GRK4: variants seen among roughly 807,000 people sequenced by gnomAD.
GRK4 encodes G protein-coupled receptor kinase 2-like.
A neutral mutation model predicts 77.9 loss-of-function variants in GRK4; 73 were observed. The observed-to-expected ratio is 0.94, with a 90% CI of 0.78 to 1.14. GRK4 has a LOEUF of 1.14. Ranked by LOEUF, GRK4 falls within the 50% of genes most tolerant of loss-of-function variation. The probability of loss-of-function intolerance (pLI) is 0.00; values close to 1 mark genes in which losing one functional copy is unlikely to be tolerated. For synonymous variants in GRK4, 257 were observed against 254.4 expected, an observed-to-expected ratio of 1.01 and a Z score of -0.10; for missense variants, 729 against 700.2, an observed-to-expected ratio of 1.04 and a Z score of -0.46.
At chr4:2,990,076 C>G (rs539628319) in intron 3 of GRK4, among the ~76,000 whole-genome samples, 1 of 152,188 alleles carries the variant, frequency 6.6e-6, no homozygotes, top group South Asian at 2.1e-4. Context: ...TGATTTTCCT[C>G]TAACACAGCT....
chr4:3,001,988 C>A (rs1028076694), intron 4 of GRK4, among the ~76,000 whole-genome samples: 1 of 152,124 alleles, frequency 6.6e-6, no homozygotes, highest in African/African-American at 2.4e-5. Context: ...TTCCAGAATT[C>A]TCTGGATGAG....
intron 14 of GRK4, among the ~76,000 whole-genome samples, chr4:3,037,712 C>T (rs1053622238): frequency 5.9e-5 from 9 of 151,874 alleles, no homozygotes; most frequent in Non-Finnish European, 1.0e-4. Flanking sequence ...GTCAGGAGTT[C>T]GAGACCAGCC....
intron 2 of GRK4, 50 bp downstream of exon 2, chr4:2,984,658 C>T (rs1193665315): frequency 2.1e-6 from 2 of 932,116 alleles, no homozygotes; most frequent in Non-Finnish European, 1.7e-6. Context: ...TGGCATGATA[C>T]CATTCATTAG....
At chr4:2,972,133 C>T (rs1363313290) in intron 1 of GRK4, among the ~76,000 whole-genome samples, 1 of 152,180 alleles carries the variant, frequency 6.6e-6, no homozygotes, top group African/African-American at 2.4e-5. Flanking sequence ...GGCCTTCAAA[C>T]ACTGTGGCCC....
chr4:2,963,948 C>A lies in GRK4; in HGVS notation c.-123C>A, dbSNP rs765218914. On this transcript the variant is annotated 5_prime_UTR_variant, in exon 1 of 16. Coordinates refer to ENST00000398052, the MANE Select transcript of GRK4 (RefSeq NM_182982.3). Reference sequence around the variant, plus strand: ...GCGGAGCAGCCTCCCGGGATCGTGTCCGGAGCTCGAGGAGAGGGTGGTGCC... The same window carrying A: ...GCGGAGCAGCCTCCCGGGATCGTGTACGGAGCTCGAGGAGAGGGTGGTGCC... 2.2e-6 allele frequency: 2 copies of A among 898,166 alleles called. No homozygotes were observed. The allele number at this position is 898,166 out of a possible 1,614,324, so 55.6% of individuals were successfully genotyped here. A position where few individuals can be genotyped will look rare whatever the true frequency, so the allele number is the denominator to read the frequency against.
intron 4 of GRK4, among the ~76,000 whole-genome samples, chr4:2,996,845 G>A (rs77400180): frequency 0.045 from 6,844 of 151,884 alleles, 226 homozygotes; most frequent in African/African-American, 0.092. Flanking sequence ...AATGATTCAC[G>A]TCATTATTGT....
rs1019773150 is a variant in GRK4, at chr4:3,038,280, C to T, written c.1546-96C>T. 75 of 1,476,248 alleles carry T rather than the reference C, an allele frequency of 5.1e-5. 1 individual carries two copies. In the Middle Eastern group the frequency reaches 1.1e-3, roughly 22 times the overall value. The allele number at this position is 1,476,248 out of a possible 1,614,324, so 91.4% of individuals were successfully genotyped here. ...TGGGTGCAGGAGCTCTGAGGTGCCC[C>T]GCACGGGGCTGGGCAGGAGCTGCTG... On this transcript the variant is annotated intron_variant, in intron 14 of 15. Transcript: ENST00000398052.
At chr4:3,038,573 AC>A (rs1171916268) in intron 15 of GRK4, 60 bp downstream of exon 15, 8 of 1,521,414 alleles carry the variant, frequency 5.3e-6, no homozygotes, top group Non-Finnish European at 7.1e-6. Flanking sequence ...AAACATACTG[AC>A]TGCCAAGGTG....
chr4:2,963,632 C>T lies in GRK4; in HGVS notation c.-439C>T. The T allele has an allele frequency of 2.6e-6, 1 of 390,074 alleles. No individual in the cohort carries two copies. The highest frequency in any genetic ancestry group is 4.5e-6 in the Non-Finnish European group (1 of 219,852). The allele number at this position is 390,074 out of a possible 1,614,324, so 24.2% of individuals were successfully genotyped here. A position where few individuals can be genotyped will look rare whatever the true frequency, so the allele number is the denominator to read the frequency against. On this transcript the variant is annotated 5_prime_UTR_variant, in exon 1 of 16. Transcript: ENST00000398052. ...CTTCAGCTAAGCCGTTAGCGCCGAG[C>T]CCGCCCGGGAGCGGGTCGCCGGCCG... is the stretch of plus-strand genomic sequence containing the variant.
intron 6 of GRK4, among the ~76,000 whole-genome samples, chr4:3,008,180 A>T (rs929247417): frequency 6.6e-6 from 1 of 152,200 alleles, no homozygotes. Flanking sequence ...GTGTTATACC[A>T]TTTCTTCTAA....
chr4:2,974,113 C>G (rs1244443000), intron 1 of GRK4, among the ~76,000 whole-genome samples: 1 of 152,220 alleles, frequency 6.6e-6, no homozygotes, highest in East Asian at 1.9e-4. Flanking sequence ...TCCCCAGTAG[C>G]TGGGATTATA....
chr4:3,029,835 A>G (rs997963392), intron 12 of GRK4, among the ~76,000 whole-genome samples: 2 of 152,186 alleles, frequency 1.3e-5, no homozygotes, highest in African/African-American at 2.4e-5. Flanking sequence ...TGCTCCTGCC[A>G]CTGGGATTTC....
At chr4:2,977,018 C>T (rs1245413396) in intron 1 of GRK4, among the ~76,000 whole-genome samples, 2 of 152,226 alleles carry the variant, frequency 1.3e-5, no homozygotes, top group African/African-American at 2.4e-5. Context: ...GGGAAAACCA[C>T]ACCCCTGATC....
rs1184596065 is a variant in GRK4, at chr4:3,007,781, A to G, written c.489A>G (p.Gln163=). ...GAGGGGAACCATTTGAAGAATACCA[A>G]GAAAGCTCATATTTTTCTCAGTTTT... ...YLRGEPFEEY[Q]ESSYFSQFLQ... The change falls in exon 6 of 16, where the codon CAA becomes CAG. Residue 163 remains glutamine, a synonymous_variant. Coordinates refer to ENST00000398052, the MANE Select transcript of GRK4 (RefSeq NM_182982.3). 7.4e-6 allele frequency: 12 copies of G among 1,612,020 alleles called. No homozygotes were observed. The highest frequency in any genetic ancestry group is 1.0e-5 in the Non-Finnish European group (12 of 1,179,060).
chr4:3,003,928 TGG>T lies in GRK4; in HGVS notation c.340-302_340-301del, dbSNP rs1386566852. Among the ~76,000 whole-genome samples, 3 of 152,060 alleles carry T rather than the reference TGG, an allele frequency of 2.0e-5. No homozygotes were observed. The East Asian group carries it at 5.8e-4, about 29-fold the overall frequency. ...TAGTAGAGACGGAGTTTCACCATGT[TGG>T]CTGGTCTCAAACTCCTGACTTCAGG... On this transcript the variant is annotated intron_variant, in intron 4 of 15. Coordinates refer to ENST00000398052, the MANE Select transcript of GRK4 (RefSeq NM_182982.3).
Position 2,970,011 on chromosome 4 carries a change from A to G in GRK4, c.52+5889A>G, listed in dbSNP as rs187901737. Among the ~76,000 whole-genome samples, 113 of 152,330 alleles carry G rather than the reference A, an allele frequency of 7.4e-4. 1 individual carries two copies. Among genetic ancestry groups the G allele is most frequent in the Middle Eastern group, 3.4e-3 (1 of 294 alleles). On this transcript the variant is annotated intron_variant, in intron 1 of 15. Transcript: ENST00000398052. ...GAATTTTCAACAGCATGTAAGATCA[A>G]GTTTTCTAGAAAGAGTTATAAACTT...
chr4:2,996,283 G>C (rs935402664), intron 4 of GRK4, among the ~76,000 whole-genome samples: 1 of 152,092 alleles, frequency 6.6e-6, no homozygotes, highest in African/African-American at 2.4e-5. Context: ...GGCCGGGCGC[G>C]GTGGCTCACG....
At chr4:2,970,475 T>A (rs1180429232) in intron 1 of GRK4, among the ~76,000 whole-genome samples, 1 of 151,956 alleles carries the variant, frequency 6.6e-6, no homozygotes, top group East Asian at 2.0e-4. Flanking sequence ...CTGGCCAACA[T>A]GGTGAAACCC....
In GRK4 at chr4:2,965,266, C is replaced by T. The variant is rs756298585; in HGVS notation, c.52+1144C>T. The T allele has an allele frequency of 7.1e-6, 5 of 702,964 alleles. No homozygotes were observed. The South Asian group carries it at 7.4e-5, about 10-fold the overall frequency. 43.5% of individuals were successfully genotyped at this position (702,964 alleles called of 1,614,324 possible). A position where few individuals can be genotyped will look rare whatever the true frequency, so the allele number is the denominator to read the frequency against. On this transcript the variant is annotated intron_variant, in intron 1 of 15. Transcript: ENST00000398052. Reference sequence around the variant, plus strand: ...AGTCCTCTGCATCCCGCCACAAAAGCATCAGTTGGTCCAGCCCTTCAGCGG... The same window carrying T: ...AGTCCTCTGCATCCCGCCACAAAAGTATCAGTTGGTCCAGCCCTTCAGCGG...
Sources: gnomAD v4.1 joint callset for allele counts (sites outside exome capture counted in the v4.1 genomes callset) on GRCh38, gnomAD v4.1.1 for gene constraint, MANE v1.5 for transcripts, NCBI Gene and HGNC (gene_info 2026-07-23, HGNC 2026-07-21) for gene names.